The following MTUS2 variants were observed in gnomAD, a reference collection of about 807,000 sequenced individuals.
The protein encoded by MTUS2 is microtubule-associated tumor suppressor candidate 2.
A neutral mutation model predicts 114.1 loss-of-function variants in MTUS2; 40 were observed. That is an observed-to-expected ratio of 0.35 (90% CI 0.27 to 0.46). MTUS2 has a LOEUF of 0.46. Ranked by LOEUF, MTUS2 falls within the 20% of genes least tolerant of loss-of-function variation. The pLI is 1.00. For missense variants in MTUS2, 1,679 were observed against 1,705.4 expected, an observed-to-expected ratio of 0.98 and a Z score of 0.27; for synonymous variants, 688 against 672.0, an observed-to-expected ratio of 1.02 and a Z score of -0.37.
Position 29,503,327 on chromosome 13 carries a change from C to T in MTUS2, c.*121C>T. ...GCATGCTCAGTAGCTGCGAATGCAT[C>T]CTAGGCGCGTCCTCCTCTGATCCCC... On this transcript the variant is annotated 3_prime_UTR_variant, in exon 16 of 16. Coordinates refer to ENST00000612955, the MANE Select transcript of MTUS2 (RefSeq NM_001033602.4). 4 of 1,093,138 alleles carry T rather than the reference C, an allele frequency of 3.7e-6. No homozygotes were observed. The highest frequency in any genetic ancestry group is 2.9e-4 in the Middle Eastern group (1 of 3,426). 67.7% of individuals were successfully genotyped at this position (1,093,138 alleles called of 1,614,324 possible).
intron 4 of MTUS2, among the ~76,000 whole-genome samples, chr13:29,064,726 C>A (rs1211929623): frequency 6.6e-6 from 1 of 152,042 alleles, no homozygotes; most frequent in Non-Finnish European, 1.5e-5. Context: ...TTTTGTCACC[C>A]AGGTACTAAG....
chr13:29,248,791 T>C (rs941591444), intron 5 of MTUS2, among the ~76,000 whole-genome samples: 1 of 152,210 alleles, frequency 6.6e-6, no homozygotes, highest in African/African-American at 2.4e-5. Flanking sequence ...TCCATGTTCC[T>C]GCAAAGGACA....
At chr13:29,448,959 T>G (rs1244707774) in intron 9 of MTUS2, among the ~76,000 whole-genome samples, 1 of 151,926 alleles carries the variant, frequency 6.6e-6, no homozygotes, top group Non-Finnish European at 1.5e-5. Context: ...TCGCCATGTT[T>G]GCCAGGCTGG....
rs760202415 is a variant in MTUS2, at chr13:29,359,320, G to T, written c.2964G>T (p.Pro988=). 13 of 1,609,714 alleles carry T rather than the reference G, an allele frequency of 8.1e-6. No individual in the cohort carries two copies. The South Asian group carries it at 1.2e-4, about 15-fold the overall frequency. Reference sequence around the variant, plus strand: ...ATGGGTTTCCGCCCAAGCCGGACCCGCAGGCCCGTGAGGCTGAGCGGCAGC... The same window carrying T: ...ATGGGTTTCCGCCCAAGCCGGACCCTCAGGCCCGTGAGGCTGAGCGGCAGC... ...ARNGFPPKPD[P]QAREAERQLV... The change falls in exon 8 of 16, where the codon CCG becomes CCT. Residue 988 remains proline, a synonymous_variant. Coordinates refer to ENST00000612955, the MANE Select transcript of MTUS2 (RefSeq NM_001033602.4).
At chr13:29,464,421 T>C (rs1427731500) in intron 9 of MTUS2, among the ~76,000 whole-genome samples, 1 of 151,910 alleles carries the variant, frequency 6.6e-6, no homozygotes, top group Non-Finnish European at 1.5e-5. Context: ...TGTAGGAGAG[T>C]CAGTGTGGCA....
chr13:29,163,434 A>G lies in MTUS2; in HGVS notation c.2644+62464A>G, dbSNP rs115902512. Among the ~76,000 whole-genome samples, 1,166 of 152,310 alleles carry G rather than the reference A, an allele frequency of 7.7e-3. 9 individuals carry two copies. The highest frequency in any genetic ancestry group is 0.026 in the African/African-American group (1,089 of 41,558). Reference sequence around the variant, plus strand: ...TTTATTTACTTTTTCCACTTGGTTCAAAATATGGGAGGATATTCTGACAAG... The same window carrying G: ...TTTATTTACTTTTTCCACTTGGTTCGAAATATGGGAGGATATTCTGACAAG... On this transcript the variant is annotated intron_variant, in intron 5 of 15. Transcript: ENST00000612955.
intron 8 of MTUS2, among the ~76,000 whole-genome samples, chr13:29,385,905 C>T (rs1872602561): frequency 6.6e-6 from 1 of 152,186 alleles, no homozygotes; most frequent in African/African-American, 2.4e-5. Context: ...GTCTCTCTGT[C>T]TCAAACAGGG....
chr13:29,227,317 C>T (rs548174886), intron 5 of MTUS2, among the ~76,000 whole-genome samples: 7 of 151,464 alleles, frequency 4.6e-5, no homozygotes, highest in Admixed American at 1.3e-4. Context: ...AAAGAAAACC[C>T]GTGGTGTTAT....
chr13:29,295,598 G>A (rs1898906280), intron 6 of MTUS2, among the ~76,000 whole-genome samples: 1 of 152,192 alleles, frequency 6.6e-6, no homozygotes, highest in Admixed American at 6.5e-5. Flanking sequence ...GCAAGTAACT[G>A]AATGTTGTTC....
chr13:29,386,624 G>A (rs996198297), intron 8 of MTUS2, among the ~76,000 whole-genome samples: 5 of 152,198 alleles, frequency 3.3e-5, no homozygotes, highest in Non-Finnish European at 7.3e-5. Flanking sequence ...TGGTCAAGGA[G>A]AGAGACTTTG....
intron 2 of MTUS2, among the ~76,000 whole-genome samples, chr13:28,991,470 G>T (rs148213549): frequency 6.6e-5 from 10 of 150,958 alleles, no homozygotes; most frequent in Non-Finnish European, 1.3e-4. Flanking sequence ...CCGGGTTCAC[G>T]CCATTCTCCT....
chr13:29,307,666 G>A (rs555918935), intron 6 of MTUS2: 35 of 1,126,838 alleles, frequency 3.1e-5, no homozygotes, highest in Admixed American at 5.1e-5. Flanking sequence ...CACCTTCGAC[G>A]CTGGGGCTAG....
intron 8 of MTUS2, among the ~76,000 whole-genome samples, chr13:29,438,087 T>TA (rs1406745868): frequency 2.6e-5 from 4 of 152,180 alleles, no homozygotes; most frequent in African/African-American, 7.2e-5. Context: ...AATAACAACT[T>TA]ACACTTGTAT....
intron 8 of MTUS2, among the ~76,000 whole-genome samples, chr13:29,365,104 A>G (rs2138260843): frequency 6.6e-6 from 1 of 152,326 alleles, no homozygotes; most frequent in African/African-American, 2.4e-5. Flanking sequence ...CAGTGCTTTG[A>G]TAAAAGAACC....
intron 5 of MTUS2, among the ~76,000 whole-genome samples, chr13:29,137,756 A>C (rs980919116): frequency 6.7e-6 from 1 of 148,272 alleles, no homozygotes; most frequent in Non-Finnish European, 1.5e-5. Context: ...AGCTGGGATT[A>C]CAGGTGCACA....
At chr13:29,365,488 C>G (rs1870627505) in intron 8 of MTUS2, among the ~76,000 whole-genome samples, 1 of 33,466 alleles carries the variant, frequency 3.0e-5, no homozygotes, top group Non-Finnish European at 7.7e-5. Flanking sequence ...GCTTTGTCAT[C>G]AATACGTTTT....
Position 29,109,875 on chromosome 13 carries a change from T to C in MTUS2, c.2644+8905T>C, listed in dbSNP as rs2138858315. 2.0e-5 allele frequency among the ~76,000 whole-genome samples: 3 copies of C among 152,310 alleles called. 1 individual carries two copies. In the Middle Eastern group the frequency reaches 0.01, roughly 518 times the overall value. ...ATCTGAGTCAGGCAGACGACATATA[T>C]TCTAGTTTTGAATTTTTATAACAAC... On this transcript the variant is annotated intron_variant, in intron 5 of 15. Transcript: ENST00000612955.
intron 2 of MTUS2, among the ~76,000 whole-genome samples, chr13:28,903,346 T>C (rs1310981806): frequency 6.6e-6 from 1 of 151,720 alleles, no homozygotes; most frequent in Non-Finnish European, 1.5e-5. Flanking sequence ...ATGTGCCATG[T>C]TGGTGTGCTG....
At chr13:29,127,503 G>C (rs1238100666) in intron 5 of MTUS2, among the ~76,000 whole-genome samples, 2 of 152,172 alleles carry the variant, frequency 1.3e-5, no homozygotes, top group East Asian at 3.8e-4. Context: ...CAAAACTGAG[G>C]CTTCCCTGAA....
Sources: allele counts gnomAD v4.1 joint callset (sites outside exome capture counted in the v4.1 genomes callset), GRCh38; gene constraint gnomAD v4.1.1; transcripts MANE v1.5; gene names NCBI Gene and HGNC (gene_info 2026-07-23, HGNC 2026-07-21).